The following RFLNA variants were observed in gnomAD, a reference collection of about 807,000 sequenced individuals.
RFLNA encodes the protein refilin A.
RFLNA carries 5 observed loss-of-function variants against 7.8 expected under a neutral mutation model. The observed-to-expected ratio is 0.64, with a 90% CI of 0.34 to 1.35. The LOEUF (loss-of-function observed/expected upper bound fraction) is 1.35, where lower values mean the gene tolerates loss of function less well. Ranked by LOEUF, RFLNA falls within the 40% of genes most tolerant of loss-of-function variation. The pLI is 0.04. For synonymous variants in RFLNA, 141 were observed against 131.3 expected, an observed-to-expected ratio of 1.07 and a Z score of -0.50; for missense variants, 278 against 305.5, an observed-to-expected ratio of 0.91 and a Z score of 0.67.
chr12:124,315,619 T>A lies in RFLNA; in HGVS notation c.*1094T>A, dbSNP rs2034337665. On this transcript the variant is annotated 3_prime_UTR_variant, in exon 3 of 3. Coordinates refer to ENST00000546355, the MANE Select transcript of RFLNA (RefSeq NM_001365156.1). ...GACAAAGACTTGGCTCAGGGCTCCG[T>A]GGAACAAGCCAGGATGCACGGGGAG... 1 of 152,246 alleles carries A rather than the reference T, an allele frequency of 6.6e-6. No homozygotes were observed. Among genetic ancestry groups the A allele is most frequent in the Non-Finnish European group, 1.5e-5 (1 of 68,056 alleles). 9.4% of individuals were successfully genotyped at this position (152,246 alleles called of 1,614,324 possible).
At position 124,314,283 on chromosome 12, in the gene RFLNA, A is replaced by G; in HGVS notation, c.409A>G (p.Thr137Ala). Residue 137 changes from threonine to alanine, a missense_variant, in exon 3 of 3, where the codon ACC becomes GCC. Transcript: ENST00000546355. ...ACCCACCGTCACGGCCTACAGCGAG[A>G]CCATCGTGGCAGCACCCAACTGCAC... ...PVPTVTAYSE[T>A]IVAAPNCTWR... is the part of the protein sequence containing the mutation. 2 of 1,613,594 alleles carry G rather than the reference A, an allele frequency of 1.2e-6. No homozygotes were observed. Among genetic ancestry groups the G allele is most frequent in the Non-Finnish European group, 1.7e-6 (2 of 1,180,004 alleles).
At chr12:124,311,438 C>T (rs1195882567) in intron 1 of RFLNA, among the ~76,000 whole-genome samples, 1 of 152,246 alleles carries the variant, frequency 6.6e-6, no homozygotes, top group Non-Finnish European at 1.5e-5. Flanking sequence ...ACCCTTCCTC[C>T]AGGCCGAGTG....
At position 124,295,394 on chromosome 12, in the gene RFLNA, G is replaced by C; in HGVS notation, c.-36G>C. On this transcript the variant is annotated 5_prime_UTR_variant, in exon 1 of 3. Coordinates refer to ENST00000546355, the MANE Select transcript of RFLNA (RefSeq NM_001365156.1). ...CCGGAGCGCGGTGGAGAAGCCCCCGGAGGAGCGGGGGGCCCGCGCCCCGCG... is the reference window on the plus strand; with the variant it reads ...CCGGAGCGCGGTGGAGAAGCCCCCGCAGGAGCGGGGGGCCCGCGCCCCGCG... 2 of 1,176,668 alleles carry C rather than the reference G, an allele frequency of 1.7e-6. No homozygotes were observed. Among genetic ancestry groups the C allele is most frequent in the Non-Finnish European group, 2.1e-6 (2 of 941,538 alleles). 72.9% of individuals were successfully genotyped at this position (1,176,668 alleles called of 1,614,324 possible).
At chr12:124,311,443 C>G (rs924204276) in intron 1 of RFLNA, among the ~76,000 whole-genome samples, 2 of 152,164 alleles carry the variant, frequency 1.3e-5, no homozygotes, top group African/African-American at 2.4e-5. Context: ...TCCTCCAGGC[C>G]GAGTGTGGTT....
chr12:124,307,104 G>T (rs10773083), intron 1 of RFLNA, among the ~76,000 whole-genome samples: 70,864 of 152,166 alleles, frequency 0.47, 20,397 homozygotes, highest in Non-Finnish European at 0.64. Flanking sequence ...GATGCAGACC[G>T]TGCCTCCCCA....
At chr12:124,298,235 C>G (rs1448570312) in intron 1 of RFLNA, among the ~76,000 whole-genome samples, 1 of 152,216 alleles carries the variant, frequency 6.6e-6, no homozygotes. Flanking sequence ...TTGTCACCTA[C>G]TTTAGGAGGC....
Position 124,295,597 on chromosome 12 carries a change from C to T in RFLNA, c.168C>T (p.Gly56=). Residue 56 remains glycine (G), a synonymous_variant, in exon 1 of 3, where the codon GGC becomes GGT. Coordinates refer to ENST00000546355, the MANE Select transcript of RFLNA (RefSeq NM_001365156.1). Reference sequence around the variant, plus strand: ...TCGACGCGCGCGCGGGGGGCGCCGGCGCCTCCTCGGAGCCCCCGGGACCCA... The same window carrying T: ...TCGACGCGCGCGCGGGGGGCGCCGGTGCCTCCTCGGAGCCCCCGGGACCCA... ...GILDARAGGA[G]ASSEPPGPSE... The T allele has an allele frequency of 8.2e-7, 1 of 1,218,934 alleles. No homozygotes were observed. The highest frequency in any genetic ancestry group is 1.0e-6 in the Non-Finnish European group (1 of 981,764). 75.5% of individuals were successfully genotyped at this position (1,218,934 alleles called of 1,614,324 possible).
At chr12:124,311,752 C>T (rs2034247345) in intron 1 of RFLNA, 66 bp from the exon 2 acceptor site, 2 of 1,382,740 alleles carry the variant, frequency 1.4e-6, no homozygotes, top group Admixed American at 5.3e-5. Flanking sequence ...CCTGTGTGCC[C>T]AGCAGGGAGC....
chr12:124,290,929 C>T (rs552494138), upstream of RFLNA, among the ~76,000 whole-genome samples: 21 of 152,316 alleles, frequency 1.4e-4, no homozygotes, highest in Non-Finnish European at 2.5e-4. This position sits in a 1 kb window ranked among gnomAD's most constrained non-coding sequence, Gnocchi z 4.0. Flanking sequence ...GGCAGCCGAG[C>T]GTGCACATGG....
chr12:124,296,400 C>G (rs115024019), intron 1 of RFLNA, among the ~76,000 whole-genome samples: 2,741 of 150,882 alleles, frequency 0.018, 40 homozygotes, highest in Middle Eastern at 0.055. Context: ...GACTGGGCAC[C>G]CCCCGGCAGG....
At chr12:124,312,229 T>C (rs2034258581) in intron 2 of RFLNA, among the ~76,000 whole-genome samples, 1 of 152,146 alleles carries the variant, frequency 6.6e-6, no homozygotes, top group Non-Finnish European at 1.5e-5. Context: ...AAAAGGCTTT[T>C]ATTTTAAATC....
chr12:124,300,596 ATGGATGGATGGATGGACAGAAGAATGGG>A (rs2034010373), intron 1 of RFLNA, among the ~76,000 whole-genome samples: 1 of 151,956 alleles, frequency 6.6e-6, no homozygotes, highest in African/African-American at 2.4e-5. Context: ...AGATAGATGG[ATGGATGGATGGATGGACAGAAGAATGGG>A]TGGATGGATG....
intron 1 of RFLNA, among the ~76,000 whole-genome samples, chr12:124,308,518 G>A (rs1210153703): frequency 6.6e-6 from 1 of 152,180 alleles, no homozygotes; most frequent in Non-Finnish European, 1.5e-5. Flanking sequence ...GTTGACCCTC[G>A]CTGCTTCTCT....
At chr12:124,304,236 C>G (rs1015145912) in intron 1 of RFLNA, among the ~76,000 whole-genome samples, 1 of 152,246 alleles carries the variant, frequency 6.6e-6, no homozygotes, top group Non-Finnish European at 1.5e-5. Flanking sequence ...GTGTCCAGCC[C>G]TGCAGCTCCG....
At chr12:124,313,680 A>C (rs2034295540) in intron 2 of RFLNA, among the ~76,000 whole-genome samples, 1 of 13,474 alleles carries the variant, frequency 7.4e-5, no homozygotes, top group Admixed American at 7.2e-4. Context: ...CTCCGTCTCA[A>C]AAAAAAAAAA....
upstream of RFLNA, among the ~76,000 whole-genome samples, chr12:124,290,378 GTA>G (rs1293653158): frequency 1.1e-4 from 16 of 152,256 alleles, no homozygotes; most frequent in South Asian, 1.5e-3. This position sits in a 1 kb window ranked among gnomAD's most constrained non-coding sequence, Gnocchi z 4.0. Flanking sequence ...GTGTGTTTGT[GTA>G]TATGTGTGCA....
chr12:124,310,166 CTGT>C (rs2034212836), intron 1 of RFLNA, among the ~76,000 whole-genome samples: 1 of 7,054 alleles, frequency 1.4e-4, no homozygotes. Context: ...GAGAGAGACT[CTGT>C]CTCAAAAAAA....
chr12:124,307,016 C>T (rs1250693086), intron 1 of RFLNA, among the ~76,000 whole-genome samples: 15 of 152,162 alleles, frequency 9.9e-5, no homozygotes, highest in Admixed American at 5.2e-4. Flanking sequence ...TGCTGTCCCC[C>T]GTGGGAGCCA....
upstream of RFLNA, among the ~76,000 whole-genome samples, chr12:124,291,666 C>T (rs1452038018): frequency 6.6e-6 from 1 of 152,090 alleles, no homozygotes; most frequent in East Asian, 1.9e-4. Context: ...TTCTAGGAGC[C>T]TTCCTTCAAT....
Sources: gnomAD v4.1 joint callset for allele counts (sites outside exome capture counted in the v4.1 genomes callset) on GRCh38, gnomAD v4.1.1 for gene constraint, Gnocchi (gnomAD v3.1) non-coding constraint, MANE v1.5 for transcripts, NCBI Gene and HGNC (gene_info 2026-07-23, HGNC 2026-07-21) for gene names.